Variants in ALK observed in about 807,000 individuals in gnomAD.
The protein encoded by ALK is ALK tyrosine kinase receptor.
A neutral mutation model predicts 163.1 loss-of-function variants in ALK; 74 were observed. The observed-to-expected ratio is 0.45, with a 90% CI of 0.38 to 0.55. The LOEUF (loss-of-function observed/expected upper bound fraction) is 0.55. Among genes scored for constraint, ALK ranks in the 20% least tolerant of loss-of-function variants. The probability of loss-of-function intolerance (pLI) is 0.00; values close to 1 mark genes in which losing one functional copy is unlikely to be tolerated. For missense variants in ALK, 2,063 were observed against 2,105.3 expected (o/e 0.98, Z 0.39); for synonymous variants, 960 against 843.2 (o/e 1.14, Z -2.40).
chr2:29,251,855 G>T (rs1176063442), intron 11 of ALK, among the ~76,000 whole-genome samples: 1 of 152,220 alleles, frequency 6.6e-6, no homozygotes, highest in Admixed American at 6.5e-5. Context: ...GACCCAGGCT[G>T]GTGGTGGGAG....
intron 2 of ALK, among the ~76,000 whole-genome samples, chr2:29,705,240 A>AATCT (rs1678863270): frequency 2.1e-5 from 1 of 47,122 alleles, no homozygotes; most frequent in Non-Finnish European, 4.5e-5. Context: ...AAAGAAAAGA[A>AATCT]ATATATATAT....
rs951029622 is a variant in ALK at position 29,525,815 on chromosome 2, A to T, written c.1154+6100T>A. 1.6e-3 allele frequency among the ~76,000 whole-genome samples: 224 copies of T among 137,806 alleles called. 1 individual carries two copies. The highest frequency in any genetic ancestry group is 2.3e-3 in the Non-Finnish European group (148 of 63,642). 90.4% of individuals were successfully genotyped at this position (137,806 alleles called of 152,430 possible). ...TCAAAAAAAAAAAAAAAAAAAAAAA[A>T]GATGAGACTCAATTGTATGAAGTTT... is the stretch of plus-strand genomic sequence containing the variant. On this transcript the variant is annotated intron_variant, in intron 4 of 28. Transcript: ENST00000389048.
At chr2:29,723,025 A>C (rs1679465537) in intron 1 of ALK, among the ~76,000 whole-genome samples, 1 of 151,986 alleles carries the variant, frequency 6.6e-6, no homozygotes, top group Non-Finnish European at 1.5e-5. Flanking sequence ...TCTCTCCATT[A>C]TTGCTATGAG....
intron 1 of ALK, among the ~76,000 whole-genome samples, chr2:29,726,449 G>T (rs1284833924): frequency 6.6e-6 from 1 of 152,224 alleles, no homozygotes. Context: ...AGACAGGGCA[G>T]CCTGGAAAAC....
At chr2:29,312,006 C>G (rs530827967) in intron 8 of ALK, among the ~76,000 whole-genome samples, 2 of 151,968 alleles carry the variant, frequency 1.3e-5, no homozygotes, top group African/African-American at 4.8e-5. Flanking sequence ...CCCTTGGCTG[C>G]TGTTAAAGCA....
intron 4 of ALK, among the ~76,000 whole-genome samples, chr2:29,529,734 G>A (rs1673065533): frequency 2.0e-5 from 3 of 152,342 alleles, no homozygotes; most frequent in Middle Eastern, 3.4e-3. Context: ...CTCATGGGAG[G>A]TGAGGAGGCT....
At chr2:29,719,844 GA>G (rs1679373830) in intron 1 of ALK, among the ~76,000 whole-genome samples, 1 of 152,132 alleles carries the variant, frequency 6.6e-6, no homozygotes, top group Admixed American at 6.5e-5. Flanking sequence ...CACAATGGCT[GA>G]GGTCAGAGGC....
chr2:29,634,130 G>C (rs1011996989), intron 3 of ALK, among the ~76,000 whole-genome samples: 1 of 135,954 alleles, frequency 7.4e-6, no homozygotes, highest in African/African-American at 2.7e-5. Flanking sequence ...TTTTTTTTTC[G>C]CTCTGTCACC....
At chr2:29,723,244 C>A (rs1573584311) in intron 1 of ALK, among the ~76,000 whole-genome samples, 1 of 152,212 alleles carries the variant, frequency 6.6e-6, no homozygotes, top group Non-Finnish European at 1.5e-5. Context: ...CTTCCCCGAA[C>A]TCACCAAGCA....
chr2:29,427,037 CAAAAA>C (rs70958261), intron 4 of ALK, among the ~76,000 whole-genome samples: 143 of 40,118 alleles, frequency 3.6e-3, no homozygotes, highest in African/African-American at 0.016. Context: ...GACTCCGTCT[CAAAAA>C]AAAAAAAAAA....
At chr2:29,507,860 C>CA (rs1672378771) in intron 4 of ALK, among the ~76,000 whole-genome samples, 1 of 152,166 alleles carries the variant, frequency 6.6e-6, no homozygotes. Context: ...GCCTGTTCAC[C>CA]AAACCACCTA....
chr2:29,517,236 C>T (rs977381237), intron 4 of ALK, among the ~76,000 whole-genome samples: 10 of 152,036 alleles, frequency 6.6e-5, no homozygotes, highest in South Asian at 4.2e-4. Flanking sequence ...CCCTCAGGAA[C>T]GGGGAGTCCA....
At chr2:29,638,543 G>A (rs1199081190) in intron 3 of ALK, among the ~76,000 whole-genome samples, 1 of 151,574 alleles carries the variant, frequency 6.6e-6, no homozygotes, top group Admixed American at 6.6e-5. Flanking sequence ...GATGGATGCG[G>A]ATAATGCTGG....
At chr2:29,309,954 T>C (rs78621636) in intron 8 of ALK, among the ~76,000 whole-genome samples, 1 of 152,174 alleles carries the variant, frequency 6.6e-6, no homozygotes, top group African/African-American at 2.4e-5. Context: ...TGAGGGATCA[T>C]AATAATAATA....
At chr2:29,340,871 T>C (rs1372891677) in intron 5 of ALK, among the ~76,000 whole-genome samples, 1 of 152,178 alleles carries the variant, frequency 6.6e-6, no homozygotes, top group Non-Finnish European at 1.5e-5. Context: ...AAATCACAGA[T>C]ACATCGTCTC....
At chr2:29,364,235 G>T (rs1668450487) in intron 5 of ALK, among the ~76,000 whole-genome samples, 1 of 152,192 alleles carries the variant, frequency 6.6e-6, no homozygotes, top group Non-Finnish European at 1.5e-5. Flanking sequence ...TAAATGCCCA[G>T]CTTGGGTCAT....
intron 3 of ALK, among the ~76,000 whole-genome samples, chr2:29,615,624 A>C (rs1169984220): frequency 6.6e-6 from 1 of 152,178 alleles, no homozygotes; most frequent in Non-Finnish European, 1.5e-5. Flanking sequence ...CCCTGTGCCC[A>C]CTACTGACCC....
intron 1 of ALK, among the ~76,000 whole-genome samples, chr2:29,764,447 C>T (rs571764827): frequency 1.3e-5 from 2 of 152,306 alleles, no homozygotes; most frequent in East Asian, 1.9e-4. Context: ...TATCAGTGAA[C>T]GTCCCAAATC....
chr2:29,694,941 G>C lies in ALK; in HGVS notation c.861C>G (p.Ser287Arg), dbSNP rs1321970113. Residue 287 changes from serine (S) to arginine (R), a missense_variant, in exon 3 of 29, where the codon AGC becomes AGG. By Grantham distance (110) the Ser-to-Arg change is moderately radical. This residue lies in a region of ALK where 987 missense variants were observed against 939.5 expected (regional missense o/e 1.05). Transcript: ENST00000389048. Reference protein sequence around the residue: ...SPPLHDLRNQSWSWRRIPSEE... With the variant: ...SPPLHDLRNQRWSWRRIPSEE... ...CGGAGGGGATGCGGCGCCAGGACCA[G>C]CTCTGGTTCCTGAGGTCATGCAGTG... The C allele has an allele frequency of 1.2e-6, 2 of 1,614,160 alleles. No individual in the cohort carries two copies. The highest frequency in any genetic ancestry group is 1.7e-6 in the Non-Finnish European group (2 of 1,180,004).
Sources: allele counts gnomAD v4.1 joint callset (sites outside exome capture counted in the v4.1 genomes callset), GRCh38; gene constraint gnomAD v4.1.1; regional missense constraint gnomAD v4.1.1; transcripts MANE v1.5; gene names NCBI Gene and HGNC (gene_info 2026-07-23, HGNC 2026-07-21).